Variants in GLRA2 observed in about 807,000 individuals in gnomAD.
The protein encoded by GLRA2 is glycine receptor subunit alpha-2.
GLRA2 carries 11 observed loss-of-function variants against 31.6 expected under a neutral mutation model. The ratio of observed to expected loss-of-function variants is 0.35; its 90% CI spans 0.22 to 0.58. GLRA2 has a LOEUF of 0.58. Ranked by LOEUF, GLRA2 falls within the 20% of genes least tolerant of loss-of-function variation. The probability of loss-of-function intolerance (pLI) is 0.84; values close to 1 mark genes in which losing one functional copy is unlikely to be tolerated. For synonymous variants in GLRA2, 132 were observed against 134.0 expected, an observed-to-expected ratio of 0.99 and a Z score of 0.10; for missense variants, 212 against 351.8, an observed-to-expected ratio of 0.60 and a Z score of 3.18.
At chrX:14,524,365 G>A (rs1378996821), upstream of GLRA2, among the ~76,000 whole-genome samples, 3 of 111,736 alleles carry the variant, frequency 2.7e-5, no homozygotes, top group African/African-American at 9.7e-5. Flanking sequence ...GCCCTATAGT[G>A]AGAAGAGAGT....
intron 8 of GLRA2, among the ~76,000 whole-genome samples, chrX:14,727,461 T>C (rs2091941864): frequency 8.9e-6 from 1 of 112,113 alleles, no homozygotes. Context: ...TTCACACTGG[T>C]TGAGATCTAA....
intron 4 of GLRA2, among the ~76,000 whole-genome samples, chrX:14,583,050 C>T (rs1409957740): frequency 1.8e-5 from 2 of 110,910 alleles, no homozygotes. Flanking sequence ...ATTTTAAAAT[C>T]AGTTCTTTTT....
rs371165979 is a variant in GLRA2 at position 14,671,753 on chromosome X, C to T, written c.931-18957C>T. Among the ~76,000 whole-genome samples, 46 of 112,891 alleles carry T rather than the reference C, an allele frequency of 4.1e-4. No homozygotes were observed. In the East Asian group the frequency reaches 0.012, roughly 29 times the overall value. ...GAATCTGCAAGTAAACTCAGTGTAT[C>T]TGCTATGCACATAGTATTGCACATG... is the stretch of plus-strand genomic sequence containing the variant. On this transcript the variant is annotated intron_variant, in intron 7 of 8. Coordinates refer to ENST00000218075, the MANE Select transcript of GLRA2 (RefSeq NM_002063.4).
intron 7 of GLRA2, among the ~76,000 whole-genome samples, chrX:14,660,428 T>C (rs2090980341): frequency 8.9e-6 from 1 of 111,857 alleles, no homozygotes; most frequent in Non-Finnish European, 1.9e-5. Context: ...ATGGACCATG[T>C]AGGTCCTTGT....
intron 2 of GLRA2, among the ~76,000 whole-genome samples, chrX:14,569,060 G>T (rs1056440730): frequency 1.4e-4 from 16 of 111,544 alleles, no homozygotes; most frequent in African/African-American, 4.9e-4. Context: ...TTTCAGACCA[G>T]CCTGGCCAAC....
the GLRA2 span, among the ~76,000 whole-genome samples, chrX:14,469,475 G>T: frequency 9.2e-6 from 1 of 108,220 alleles, no homozygotes; most frequent in Non-Finnish European, 1.9e-5. Flanking sequence ...ACTGGATTAA[G>T]AAAATGTGGC....
At chrX:14,515,698 T>G in the GLRA2 span, among the ~76,000 whole-genome samples, 1 of 112,140 alleles carries the variant, frequency 8.9e-6, no homozygotes, top group Non-Finnish European at 1.9e-5. Flanking sequence ...GATATTCTAT[T>G]TGGTTATTTT....
intron 4 of GLRA2, among the ~76,000 whole-genome samples, chrX:14,585,645 A>G (rs2090073150): frequency 8.9e-6 from 1 of 111,804 alleles, no homozygotes; most frequent in Non-Finnish European, 1.9e-5. Flanking sequence ...TCAGGTTTAC[A>G]ACACAAATAC....
chrX:14,621,250 TGAG>T (rs1306146520), intron 7 of GLRA2, among the ~76,000 whole-genome samples: 3 of 111,237 alleles, frequency 2.7e-5, no homozygotes, highest in East Asian at 2.9e-4. Context: ...TAGAATCAGT[TGAG>T]GAGATTTCAC....
chrX:14,565,979 G>C (rs1389642252), intron 2 of GLRA2, among the ~76,000 whole-genome samples: 3 of 111,438 alleles, frequency 2.7e-5, no homozygotes, highest in Non-Finnish European at 3.8e-5. Flanking sequence ...AGATTAGAGG[G>C]GAGGAAGACA....
At chrX:14,662,900 ATTG>A (rs746666415) in intron 7 of GLRA2, among the ~76,000 whole-genome samples, 8 of 111,625 alleles carry the variant, frequency 7.2e-5, no homozygotes, top group Non-Finnish European at 1.1e-4. Flanking sequence ...TTCTGTTGCT[ATTG>A]TTATTTTTCA....
At chrX:14,550,920 C>T (rs184733741) in intron 2 of GLRA2, among the ~76,000 whole-genome samples, 12 of 111,657 alleles carry the variant, frequency 1.1e-4, no homozygotes, top group African/African-American at 2.6e-4. Context: ...TGCACCCATG[C>T]GTATATTTCA....
chrX:14,509,523 T>G, the GLRA2 span, among the ~76,000 whole-genome samples: 1 of 112,646 alleles, frequency 8.9e-6, no homozygotes, highest in Non-Finnish European at 1.9e-5. Flanking sequence ...ACTTTCAGAC[T>G]CATAAACTCA....
intron 5 of GLRA2, 121 bp downstream of exon 5, chrX:14,604,518 A>C: frequency 8.1e-6 from 3 of 369,337 alleles, no homozygotes; most frequent in East Asian, 5.1e-5. Flanking sequence ...CCAACCCCCA[A>C]CATCCTAATG....
intron 8 of GLRA2, among the ~76,000 whole-genome samples, chrX:14,720,476 C>T (rs1377730419): frequency 9.0e-6 from 1 of 111,466 alleles, no homozygotes. Context: ...ACTCAACAGA[C>T]AATATGGAGA....
rs186697916 is a variant in GLRA2 at position 14,690,866 on chromosome X, T to C, written c.1080+7T>C. 41 of 1,206,760 alleles carry C rather than the reference T, an allele frequency of 3.4e-5. No individual in the cohort carries two copies. Among genetic ancestry groups the C allele is most frequent in the Non-Finnish European group, 4.3e-5 (38 of 892,850 alleles). ...ACAGAAGAGGCAGAATAAGGTATGA[T>C]TGCCCCTCAGTTCAGACAATGTAGA... On this transcript the variant is annotated splice_region_variant and intron_variant, in intron 8 of 8. Transcript: ENST00000218075.
chrX:14,646,423 GC>G (rs1287837144), intron 7 of GLRA2, among the ~76,000 whole-genome samples: 1 of 112,068 alleles, frequency 8.9e-6, no homozygotes, highest in Non-Finnish European at 1.9e-5. Context: ...AACAAATGAG[GC>G]AGGGACTGTT....
chrX:14,571,762 C>G (rs762108406), intron 2 of GLRA2, among the ~76,000 whole-genome samples: 1 of 65,724 alleles, frequency 1.5e-5, no homozygotes, highest in East Asian at 3.1e-4. Context: ...TGCAAATGAA[C>G]CTTGAACCAA....
At chrX:14,676,765 G>C (rs1418564190) in intron 7 of GLRA2, among the ~76,000 whole-genome samples, 1 of 111,938 alleles carries the variant, frequency 8.9e-6, no homozygotes, top group African/African-American at 3.3e-5. Flanking sequence ...AAAACAAATT[G>C]TGGGGCTAAA....
Sources: allele counts gnomAD v4.1 joint callset (sites outside exome capture counted in the v4.1 genomes callset), GRCh38; gene constraint gnomAD v4.1.1; transcripts MANE v1.5; gene names NCBI Gene and HGNC (gene_info 2026-07-23, HGNC 2026-07-21).